The following MICAL3 variants were observed in gnomAD, a reference collection of about 807,000 sequenced individuals.
MICAL3 encodes [F-actin]-monooxygenase MICAL3.
In MICAL3, 62 loss-of-function variants were observed where a neutral mutation model predicts 207.4. That is an observed-to-expected ratio of 0.30 (90% CI 0.24 to 0.37). The LOEUF is 0.37. Among genes scored for constraint, MICAL3 ranks in the 10% least tolerant of loss-of-function variants. The pLI is 1.00. For missense variants in MICAL3, 2,368 were observed against 2,635.6 expected (o/e 0.90, Z 2.22); for synonymous variants, 1,077 against 1,069.3 (o/e 1.01, Z -0.14).
rs775830864 is a variant in MICAL3 at position 17,817,757 on chromosome 22, G to T, written c.4904C>A (p.Ala1635Glu). 8.8e-6 allele frequency: 14 copies of T among 1,591,226 alleles called. No individual in the cohort carries two copies. The highest frequency in any genetic ancestry group is 1.2e-5 in the Non-Finnish European group (14 of 1,168,904). The change falls in exon 26 of 32, where the codon GCG becomes GAG. Residue 1635 changes from alanine (A) to glutamate (E), a missense_variant. Transcript: ENST00000441493. ...LASGAPRPRK[A>E]SSAPSQGKER... ...CTTGCCCTGGGAGGGTGCTGAGGAC[G>T]CCTTGCGGGGCCTGGGGGCGCCTGA...
At chr22:17,914,365 G>A (rs1465428662) in intron 1 of MICAL3, among the ~76,000 whole-genome samples, 1 of 152,068 alleles carries the variant, frequency 6.6e-6, no homozygotes, top group African/African-American at 2.4e-5. Flanking sequence ...GTTACTACTC[G>A]GTGCCACATC....
chr22:17,826,503 G>A (rs1922204151), intron 22 of MICAL3: 2 of 985,824 alleles, frequency 2.0e-6, no homozygotes, highest in African/African-American at 1.7e-5. Context: ...GGCGTATGGA[G>A]GGAAGGTCGG....
intron 19 of MICAL3, chr22:17,842,443 A>T: frequency 5.6e-6 from 1 of 179,820 alleles, no homozygotes; most frequent in Admixed American, 5.4e-5. Flanking sequence ...GCCTCCCCCA[A>T]TGCCTGCCCC....
chr22:17,989,111 C>T (rs1569159037), intron 1 of MICAL3, among the ~76,000 whole-genome samples: 2 of 152,208 alleles, frequency 1.3e-5, no homozygotes, highest in South Asian at 2.1e-4. Context: ...AAACCCCCGG[C>T]AGGTTCCCCG....
At chr22:17,923,302 T>G (rs1072405) in intron 1 of MICAL3, among the ~76,000 whole-genome samples, 31,614 of 152,134 alleles carry the variant, frequency 0.21, 3,534 homozygotes, top group Middle Eastern at 0.28. Flanking sequence ...GCCAAAACTG[T>G]GGTTTCTTTT....
intron 1 of MICAL3, among the ~76,000 whole-genome samples, chr22:17,969,804 G>T (rs1935319422): frequency 9.2e-5 from 14 of 152,216 alleles, no homozygotes. Context: ...GACACCCTGG[G>T]ATGGGTGCAT....
At chr22:18,021,080 T>G (rs1306432119) in intron 1 of MICAL3, among the ~76,000 whole-genome samples, 1 of 152,264 alleles carries the variant, frequency 6.6e-6, no homozygotes, top group Non-Finnish European at 1.5e-5. Context: ...AGTCCCACTC[T>G]GAGTTTAGGT....
intron 19 of MICAL3, chr22:17,862,095 G>A: frequency 1.0e-6 from 1 of 985,286 alleles, no homozygotes. Flanking sequence ...CCTGGGACGT[G>A]GGTCTAGGGA....
At chr22:17,812,540 G>A in intron 27 of MICAL3, 5 of 985,798 alleles carry the variant, frequency 5.1e-6, no homozygotes, top group Non-Finnish European at 6.0e-6. Context: ...ATGCCAAGGC[G>A]TGTGGTACAT....
At position 17,876,046 on chromosome 22, in the gene MICAL3, G is replaced by C. The variant is rs562082335; in HGVS notation, c.2242-4023C>G. ...AGTGAAGCTCGCTCCTTCTACAGAA[G>C]GGCCAGGAATGCAGCATCTCTTCCT... On this transcript the variant is annotated intron_variant, in intron 16 of 31. Coordinates refer to ENST00000441493, the MANE Select transcript of MICAL3 (RefSeq NM_015241.3). Among the ~76,000 whole-genome samples, 4 of 152,202 alleles carry C rather than the reference G, an allele frequency of 2.6e-5. No homozygotes were observed. The East Asian group carries it at 7.7e-4, about 29-fold the overall frequency.
intron 1 of MICAL3, among the ~76,000 whole-genome samples, chr22:17,937,259 C>A (rs1219210300): frequency 6.6e-6 from 1 of 152,242 alleles, no homozygotes; most frequent in Non-Finnish European, 1.5e-5. Flanking sequence ...CCTAACTGTT[C>A]TACCACAGGT....
intron 28 of MICAL3, 65 bp from the exon 29 acceptor site, chr22:17,809,002 C>A (rs2062015805): frequency 2.2e-6 from 3 of 1,334,322 alleles, no homozygotes; most frequent in Non-Finnish European, 3.1e-6. Flanking sequence ...ACACACAACT[C>A]CACACCCACA....
chr22:17,856,608 CTTTTTTTTTTTTTT>C (rs57588188), intron 19 of MICAL3, among the ~76,000 whole-genome samples: 21 of 94,864 alleles, frequency 2.2e-4, no homozygotes, highest in Admixed American at 2.1e-3. Flanking sequence ...AAAATGTTTA[CTTTTTTTTTTTTTT>C]TTTTTTTTTT....
chr22:17,843,077 C>T (rs1030208644), intron 19 of MICAL3, among the ~76,000 whole-genome samples: 4 of 143,506 alleles, frequency 2.8e-5, no homozygotes, highest in Admixed American at 2.1e-4. Context: ...ACCGAGATTG[C>T]GCCACTGCAC....
At chr22:17,904,563 T>A in intron 3 of MICAL3, 69 bp downstream of exon 3, 1 of 1,182,804 alleles carries the variant, frequency 8.5e-7, no homozygotes, top group Non-Finnish European at 1.3e-6. Flanking sequence ...CTAATCTGCC[T>A]GTCTCTTTCT....
intron 1 of MICAL3, among the ~76,000 whole-genome samples, chr22:17,923,564 C>T (rs1932847808): frequency 6.6e-6 from 1 of 152,256 alleles, no homozygotes; most frequent in Admixed American, 6.5e-5. Flanking sequence ...CTTCTGGTAC[C>T]TGCTGGGGCC....
chr22:17,988,116 C>A (rs1044686260), intron 1 of MICAL3, among the ~76,000 whole-genome samples: 2 of 152,098 alleles, frequency 1.3e-5, no homozygotes, highest in African/African-American at 2.4e-5. Flanking sequence ...TGGAAGTCTG[C>A]GAGCATCCGA....
At chr22:17,986,295 C>A (rs1050566984) in intron 1 of MICAL3, among the ~76,000 whole-genome samples, 2 of 152,120 alleles carry the variant, frequency 1.3e-5, no homozygotes, top group Non-Finnish European at 2.9e-5. Flanking sequence ...CCAAGATGGG[C>A]GGATCACCTG....
chr22:17,827,286 C>T lies in MICAL3; in HGVS notation c.3193+358G>A, dbSNP rs140547730. Among the ~76,000 whole-genome samples the T allele has an allele frequency of 2.6e-3, 401 of 152,198 alleles. 6 individuals carry two copies. Among genetic ancestry groups the T allele is most frequent in the Admixed American group, 0.02 (311 of 15,286 alleles). ...CCCCCTTCCTGCCAACACACATTCA[C>T]GTCCAGACACACTCTAAGAAAAGTA... On this transcript the variant is annotated intron_variant, in intron 22 of 31. Transcript: ENST00000441493.
Sources: gnomAD v4.1 joint callset for allele counts (sites outside exome capture counted in the v4.1 genomes callset) on GRCh38, gnomAD v4.1.1 for gene constraint, MANE v1.5 for transcripts, NCBI Gene and HGNC (gene_info 2026-07-23, HGNC 2026-07-21) for gene names.